DPY19L1: variants seen among roughly 807,000 people sequenced by gnomAD.
DPY19L1 encodes protein C-mannosyl-transferase DPY19L1.
A neutral mutation model predicts 96.9 loss-of-function variants in DPY19L1; 35 were observed. The observed-to-expected ratio is 0.36, with a 90% confidence interval of 0.28 to 0.48. The LOEUF is 0.48. Among genes scored for constraint, DPY19L1 ranks in the 20% least tolerant of loss-of-function variants. The pLI is 0.99. For synonymous variants in DPY19L1, 205 were observed against 252.6 expected, an observed-to-expected ratio of 0.81 and a Z score of 1.79; for missense variants, 521 against 777.9, an observed-to-expected ratio of 0.67 and a Z score of 3.93.
intron 7 of DPY19L1, among the ~76,000 whole-genome samples, chr7:34,986,053 A>G (rs1237376195): frequency 1.3e-5 from 2 of 152,092 alleles, no homozygotes; most frequent in Non-Finnish European, 2.9e-5. Context: ...AAATAAACCA[A>G]GCACAGGAAG....
chr7:34,989,054 A>T (rs1785108184), intron 7 of DPY19L1, among the ~76,000 whole-genome samples: 1 of 152,198 alleles, frequency 6.6e-6, no homozygotes, highest in Non-Finnish European at 1.5e-5. Context: ...TCACAGAGCC[A>T]CATAGCAGTC....
In DPY19L1 at chr7:34,985,586, T is replaced by A. The variant is rs116790737; in HGVS notation, c.822+4298A>T. On this transcript the variant is annotated intron_variant, in intron 7 of 21. Coordinates refer to ENST00000638088, the MANE Select transcript of DPY19L1 (RefSeq NM_001366673.1). Reference sequence around the variant, plus strand: ...ATATGAAAAAAAAAAATGCTCAGCTTCTCAAACCATAGGGGAAATTCAAAT... The same window carrying A: ...ATATGAAAAAAAAAAATGCTCAGCTACTCAAACCATAGGGGAAATTCAAAT... 8.2e-3 allele frequency among the ~76,000 whole-genome samples: 1,240 copies of A among 151,912 alleles called. 20 individuals carry two copies. The highest frequency in any genetic ancestry group is 0.029 in the African/African-American group (1,187 of 41,436).
At chr7:34,961,910 C>T (rs1328861189) in intron 10 of DPY19L1, among the ~76,000 whole-genome samples, 1 of 152,160 alleles carries the variant, frequency 6.6e-6, no homozygotes, top group African/African-American at 2.4e-5. Context: ...GATACCATTA[C>T]ACATCTACTG....
chr7:34,965,133 C>G (rs397842360), intron 10 of DPY19L1, among the ~76,000 whole-genome samples: 1 of 151,962 alleles, frequency 6.6e-6, no homozygotes, highest in Non-Finnish European at 1.5e-5. Flanking sequence ...AGTTTACTAC[C>G]AGGTAAATAC....
chr7:35,024,461 T>C (rs1786074658), intron 1 of DPY19L1, among the ~76,000 whole-genome samples: 1 of 152,178 alleles, frequency 6.6e-6, no homozygotes, highest in Admixed American at 6.5e-5. Context: ...CAGTATTGGT[T>C]TCCCTGCCCC....
intron 15 of DPY19L1, among the ~76,000 whole-genome samples, chr7:34,947,058 C>A (rs1784163198): frequency 6.6e-6 from 1 of 152,172 alleles, no homozygotes; most frequent in African/African-American, 2.4e-5. Flanking sequence ...TCTTAAGACA[C>A]ATTTGGTTAC....
intron 8 of DPY19L1, among the ~76,000 whole-genome samples, chr7:34,971,948 A>G (rs1362813579): frequency 1.3e-5 from 2 of 152,260 alleles, no homozygotes; most frequent in Non-Finnish European, 2.9e-5. Flanking sequence ...CTGGCCTCAC[A>G]GTAGGGAATG....
At chr7:35,028,415 C>G (rs1376343015) in intron 1 of DPY19L1, among the ~76,000 whole-genome samples, 1 of 152,192 alleles carries the variant, frequency 6.6e-6, no homozygotes, top group Non-Finnish European at 1.5e-5. Context: ...CAGAGAAATA[C>G]ACTAAGTAAA....
chr7:35,009,849 A>G (rs1035954293), intron 6 of DPY19L1, among the ~76,000 whole-genome samples: 2 of 152,206 alleles, frequency 1.3e-5, no homozygotes, highest in Non-Finnish European at 2.9e-5. Context: ...CATACAGCAA[A>G]TGGAATATAC....
At chr7:35,010,416 T>C (rs1785678561) in intron 6 of DPY19L1, 52 bp downstream of exon 6, 7 of 1,003,502 alleles carry the variant, frequency 7.0e-6, no homozygotes, top group Non-Finnish European at 3.0e-6. Flanking sequence ...TATTAACTAA[T>C]CAACTATTTT....
intron 16 of DPY19L1, among the ~76,000 whole-genome samples, chr7:34,942,896 CGGT>C (rs1383905402): frequency 3.9e-5 from 6 of 152,150 alleles, no homozygotes; most frequent in African/African-American, 1.4e-4. Flanking sequence ...CAAAGGCACA[CGGT>C]GGTGTCCCAG....
At chr7:34,969,403 T>G in intron 9 of DPY19L1, 30 bp downstream of exon 9, 1 of 1,306,942 alleles carries the variant, frequency 7.7e-7, no homozygotes, top group Non-Finnish European at 1.0e-6. Flanking sequence ...CATGCTAAGC[T>G]TAAAACAGCT....
chr7:35,022,623 C>T (rs1285574947), intron 1 of DPY19L1, among the ~76,000 whole-genome samples: 1 of 152,208 alleles, frequency 6.6e-6, no homozygotes, highest in East Asian at 1.9e-4. Context: ...CAACATTTAC[C>T]AAACTTTACT....
chr7:34,940,124 G>C (rs115645318), intron 19 of DPY19L1, 29 bp downstream of exon 19: 1 of 1,453,550 alleles, frequency 6.9e-7, no homozygotes. Flanking sequence ...TAAATAATAT[G>C]ACTTTTTTTT....
chr7:34,995,837 C>T (rs1336928049), intron 6 of DPY19L1, among the ~76,000 whole-genome samples: 5 of 150,674 alleles, frequency 3.3e-5, no homozygotes, highest in Non-Finnish European at 5.9e-5. Flanking sequence ...AAGGCTTGGG[C>T]ACCTTCCTAG....
intron 9 of DPY19L1, among the ~76,000 whole-genome samples, chr7:34,968,792 A>G (rs1204650261): frequency 6.7e-6 from 1 of 150,144 alleles, no homozygotes; most frequent in Non-Finnish European, 1.5e-5. Flanking sequence ...AAAAAAAAAA[A>G]AAAGCAACTC....
intron 1 of DPY19L1, among the ~76,000 whole-genome samples, chr7:35,023,511 AC>A (rs1786043831): frequency 6.6e-6 from 1 of 152,192 alleles, no homozygotes; most frequent in Non-Finnish European, 1.5e-5. Flanking sequence ...TAAAAAAATT[AC>A]TTTTTTTCCT....
At chr7:34,934,371 G>A (rs1783821189) in intron 21 of DPY19L1, among the ~76,000 whole-genome samples, 1 of 152,132 alleles carries the variant, frequency 6.6e-6, no homozygotes, top group Non-Finnish European at 1.5e-5. Flanking sequence ...AATAAAACGT[G>A]GAACCATTTT....
intron 1 of DPY19L1, among the ~76,000 whole-genome samples, chr7:35,019,923 A>C (rs1785952780): frequency 1.3e-5 from 2 of 152,112 alleles, no homozygotes; most frequent in African/African-American, 4.8e-5. Flanking sequence ...ACTCGGCTGG[A>C]GGAAGTAGGG....
Sources: gnomAD v4.1 joint callset for allele counts (sites outside exome capture counted in the v4.1 genomes callset) on GRCh38, gnomAD v4.1.1 for gene constraint, MANE v1.5 for transcripts, NCBI Gene and HGNC (gene_info 2026-07-23, HGNC 2026-07-21) for gene names.